Variants in SYNJ2 observed in about 807,000 individuals in gnomAD.
SYNJ2 encodes polyphosphatidylinositol phosphatase SYNJ2.
Under a neutral mutation model 141.3 loss-of-function variants are expected in SYNJ2, and 116 were observed. The observed-to-expected ratio is 0.82, with a 90% CI of 0.71 to 0.96. The LOEUF (loss-of-function observed/expected upper bound fraction) is 0.96. SYNJ2 is among the 40% of genes least tolerant of loss of function. SYNJ2 has a pLI of 0.00. For missense variants in SYNJ2, 1,873 were observed against 1,934.8 expected (o/e 0.97, Z 0.60); for synonymous variants, 745 against 777.7 (o/e 0.96, Z 0.70).
chr6:158,087,395 G>A (rs1356685625), intron 23 of SYNJ2, among the ~76,000 whole-genome samples: 1 of 152,178 alleles, frequency 6.6e-6, no homozygotes, highest in Non-Finnish European at 1.5e-5. Flanking sequence ...CCGCCTGGAG[G>A]TGACCTGGTC....
chr6:158,076,850 C>T (rs960879315), intron 17 of SYNJ2, 68 bp downstream of exon 17: 36 of 1,519,440 alleles, frequency 2.4e-5, no homozygotes, highest in East Asian at 6.9e-5. Flanking sequence ...GGGAGAGTCA[C>T]GTTTACCCAA....
At chr6:158,016,616 G>C (rs1427477967) in intron 1 of SYNJ2, among the ~76,000 whole-genome samples, 1 of 152,206 alleles carries the variant, frequency 6.6e-6, no homozygotes, top group East Asian at 1.9e-4. Flanking sequence ...AACCATTAGG[G>C]CTCCCTGCGC....
At chr6:158,055,614 T>C (rs1780824168) in intron 6 of SYNJ2, among the ~76,000 whole-genome samples, 2 of 152,204 alleles carry the variant, frequency 1.3e-5, no homozygotes, top group South Asian at 4.1e-4. Context: ...ATTTGTAATA[T>C]GTATTTGAAA....
At chr6:158,053,181 A>G (rs1213053263) in intron 5 of SYNJ2, among the ~76,000 whole-genome samples, 1 of 152,158 alleles carries the variant, frequency 6.6e-6, no homozygotes, top group African/African-American at 2.4e-5. Context: ...TTCTCAGGGT[A>G]CCAGATCTGG....
rs200456609 is a variant in SYNJ2, at chr6:158,017,078, C to T, written c.128-126C>T. The T allele has an allele frequency of 4.6e-5, 64 of 1,397,302 alleles. 2 individuals are homozygous for T. The South Asian group carries it at 7.1e-4, about 15-fold the overall frequency. 86.6% of individuals were successfully genotyped at this position (1,397,302 alleles called of 1,614,324 possible). ...ACCTCCACACTTGGTGTTTGTGGGC[C>T]GAGCTATTGTCTTTGTGTTTTCTTT... On this transcript the variant is annotated intron_variant, in intron 1 of 26. Transcript: ENST00000355585.
At position 158,081,187 on chromosome 6, in the gene SYNJ2, C is replaced by T. The variant is rs1314271738; in HGVS notation, c.2646C>T (p.Ser882=). ...GGGAGAGGGTTTTCCAGGAAGTGTC[C>T]TCCTTCCAGGGCCCCCTGGATGCCA... ...GARERVFQEV[S]SFQGPLDATV... The change falls in exon 19 of 27, where the codon TCC becomes TCT. Residue 882 remains serine, a synonymous_variant. Transcript: ENST00000355585. 9 of 1,613,998 alleles carry T rather than the reference C, an allele frequency of 5.6e-6. No homozygotes were observed. The highest frequency in any genetic ancestry group is 7.6e-6 in the Non-Finnish European group (9 of 1,180,022).
At chr6:158,059,441 C>T in intron 7 of SYNJ2, 88 bp downstream of exon 7, 1 of 1,523,700 alleles carries the variant, frequency 6.6e-7, no homozygotes, top group South Asian at 1.2e-5. Context: ...CCTGCAGGGA[C>T]TGGAGCTGAC....
At chr6:158,007,494 A>T (rs893598195) in intron 1 of SYNJ2, among the ~76,000 whole-genome samples, 1 of 152,224 alleles carries the variant, frequency 6.6e-6, no homozygotes, top group African/African-American at 2.4e-5. Context: ...GGCAATGAAC[A>T]TGGCATCATC....
intron 1 of SYNJ2, among the ~76,000 whole-genome samples, chr6:157,992,491 C>CTGCAACCTCCGCCTTCTGGG (rs1777485006): frequency 6.7e-6 from 1 of 149,090 alleles, no homozygotes; most frequent in Admixed American, 6.8e-5. Context: ...TCTCGGCTCA[C>CTGCAACCTCCGCCTTCTGGG]TGCAACCTCC....
At chr6:158,090,672 G>A (rs527980625) in intron 25 of SYNJ2, among the ~76,000 whole-genome samples, 1 of 151,086 alleles carries the variant, frequency 6.6e-6, no homozygotes, top group East Asian at 2.0e-4. Flanking sequence ...AGCCACCTGA[G>A]TAGCTGGGAC....
intron 2 of SYNJ2, among the ~76,000 whole-genome samples, chr6:158,018,127 G>A (rs1583325131): frequency 1.3e-5 from 2 of 152,194 alleles, no homozygotes; most frequent in African/African-American, 2.4e-5. Context: ...TCTGACTTGC[G>A]AAGGGAGAGA....
chr6:158,085,192 T>C (rs543528424), intron 22 of SYNJ2, among the ~76,000 whole-genome samples: 12 of 152,044 alleles, frequency 7.9e-5, no homozygotes, highest in South Asian at 4.2e-4. Context: ...GATAATTTTT[T>C]GCATTTTTTG....
At chr6:158,091,007 T>C (rs1783407746) in intron 25 of SYNJ2, among the ~76,000 whole-genome samples, 1 of 152,222 alleles carries the variant, frequency 6.6e-6, no homozygotes, top group Admixed American at 6.5e-5. Context: ...GCTTTCTTTT[T>C]TTTTATTTTA....
intron 17 of SYNJ2, among the ~76,000 whole-genome samples, chr6:158,077,059 G>C (rs577891738): frequency 6.6e-6 from 1 of 151,038 alleles, no homozygotes. Context: ...GCAATGGCGT[G>C]ATCTTGGCTC....
rs930871288 is a variant in SYNJ2, at chr6:158,071,389, G to T, written c.1941-213G>T. ...AGTGAGCACTTCCCAGTTGGGGTGTGGGGGAGATGTCCAGGCAGCGGTGGG... is the reference window on the plus strand; with the variant it reads ...AGTGAGCACTTCCCAGTTGGGGTGTTGGGGAGATGTCCAGGCAGCGGTGGG... On this transcript the variant is annotated intron_variant, in intron 14 of 26. Coordinates refer to ENST00000355585, the MANE Select transcript of SYNJ2 (RefSeq NM_003898.4). This position sits in a 1 kb window ranked among gnomAD's most constrained non-coding sequence, Gnocchi z 4.3. Among the ~76,000 whole-genome samples, 1 of 152,086 alleles carries T rather than the reference G, an allele frequency of 6.6e-6. No homozygotes were observed. The highest frequency in any genetic ancestry group is 6.5e-5 in the Admixed American group (1 of 15,272).
chr6:157,984,431 C>T (rs562174735), intron 1 of SYNJ2, among the ~76,000 whole-genome samples: 30 of 152,228 alleles, frequency 2.0e-4, no homozygotes, highest in African/African-American at 7.2e-4. Context: ...TGGAGCTTCA[C>T]TCTTGTTGCC....
At chr6:158,093,748 G>C (rs1052219784) in intron 26 of SYNJ2, 20 of 620,676 alleles carry the variant, frequency 3.2e-5, no homozygotes, top group African/African-American at 3.1e-4. Context: ...GCCCATTTGC[G>C]TGTGGTCTGT....
rs186897455 is a variant in SYNJ2, at chr6:158,049,063, C to T, written c.795+5664C>T. On this transcript the variant is annotated intron_variant, in intron 5 of 26. Transcript: ENST00000355585. ...GGGAGAGGTGTGGAGGTGCTGTCTG[C>T]GATCCTTGGGCCTCTTGAGTGCTGA... 2.8e-3 allele frequency among the ~76,000 whole-genome samples: 420 copies of T among 152,182 alleles called. 2 individuals are homozygous for T. The highest frequency in any genetic ancestry group is 9.6e-3 in the African/African-American group (399 of 41,516).
At chr6:158,067,685 G>A in intron 12 of SYNJ2, 2 of 985,384 alleles carry the variant, frequency 2.0e-6, no homozygotes, top group Non-Finnish European at 1.2e-6. Flanking sequence ...ATGCCCCACA[G>A]CTGCCTGGGT....
Sources: gnomAD v4.1 joint callset for allele counts (sites outside exome capture counted in the v4.1 genomes callset) on GRCh38, gnomAD v4.1.1 for gene constraint, Gnocchi (gnomAD v3.1) non-coding constraint, MANE v1.5 for transcripts, NCBI Gene and HGNC (gene_info 2026-07-23, HGNC 2026-07-21) for gene names.